The following PRAM1 variants were observed in gnomAD, a reference collection of about 807,000 sequenced individuals.
PRAM1 encodes PML-RARA-regulated adapter molecule 1.
A neutral mutation model predicts 55.3 loss-of-function variants in PRAM1; 41 were observed. The ratio of observed to expected loss-of-function variants is 0.74; its 90% confidence interval spans 0.58 to 0.96. The LOEUF (loss-of-function observed/expected upper bound fraction) is 0.96. PRAM1 is among the 40% of genes least tolerant of loss of function. The pLI is 0.00. For synonymous variants in PRAM1, 401 were observed against 387.1 expected (o/e 1.04, Z -0.42); for missense variants, 898 against 892.7 (o/e 1.01, Z -0.08).
At chr19:8,500,879 C>T (rs755323314) in intron 1 of PRAM1, among the ~76,000 whole-genome samples, 14 of 152,234 alleles carry the variant, frequency 9.2e-5, no homozygotes, top group Non-Finnish European at 1.6e-4. Flanking sequence ...GATTCTCGTG[C>T]CTCAGCCGCC....
At position 8,498,563 on chromosome 19, in the gene PRAM1, T is replaced by C. The variant is rs367671575; in HGVS notation, c.1245A>G (p.Thr415=). The C allele has an allele frequency of 1.1e-3, 1,716 of 1,611,720 alleles. 2 individuals carry two copies. The highest frequency in any genetic ancestry group is 1.2e-3 in the Non-Finnish European group (1,375 of 1,179,330). The change falls in exon 2 of 10, where the codon ACA becomes ACG. Residue 415 remains threonine (T), a synonymous_variant. Coordinates refer to ENST00000423345, the MANE Select transcript of PRAM1 (RefSeq NM_032152.5). ...CCAGGCCTCCTGACCTCCAGCGGGG[T>C]GTCCCAGCCGCTCCAAACCCAGGGC... ...PLSPGFGAAG[T]PRWRSGGLVH...
In PRAM1 at chr19:8,499,698, G is replaced by T; in HGVS notation, c.110C>A (p.Pro37Gln). 1 of 1,613,808 alleles carries T rather than the reference G, an allele frequency of 6.2e-7. No individual in the cohort carries two copies. Among genetic ancestry groups the T allele is most frequent in the Non-Finnish European group, 8.5e-7 (1 of 1,179,846 alleles). The change falls in exon 2 of 10, where the codon CCG (proline) becomes CAG (glutamine). Residue 37 changes from proline to glutamine, a missense_variant. Physicochemically the swap from Pro to Gln is moderately conservative, Grantham distance 76. Around this residue, in one of 4 missense-constraint regions of PRAM1, gnomAD observed 79 missense variants for 93.4 expected, o/e 0.85. Coordinates refer to ENST00000423345, the MANE Select transcript of PRAM1 (RefSeq NM_032152.5). The stretch of plus-strand genomic sequence containing the variant: ...CTTCAGTTTACCAAACTCAGGCTTC[G>T]GAGGTTTTTTGGGCAGGTCGCTGGG... ...PEPSDLPKKP[P>Q]KPEFGKLKKF...
chr19:8,490,066 TG>T lies in PRAM1; in HGVS notation c.*122del. The T allele has an allele frequency of 1.0e-6, 1 of 962,182 alleles. No individual in the cohort carries two copies. The highest frequency in any genetic ancestry group is 1.5e-6 in the Non-Finnish European group (1 of 658,526). The allele number at this position is 962,182 out of a possible 1,614,324, so 59.6% of individuals were successfully genotyped here. ...ACAAGAAGCAGGGACTGCTTTAAAC[TG>T]GGGCTTTATGTGGCCAGGTACAAGC... On this transcript the variant is annotated 3_prime_UTR_variant, in exon 10 of 10. Transcript: ENST00000423345. This position sits in a 1 kb window ranked among gnomAD's most constrained non-coding sequence, Gnocchi z 7.3.
At chr19:8,500,199 T>C (rs903700017) in intron 1 of PRAM1, among the ~76,000 whole-genome samples, 3 of 149,440 alleles carry the variant, frequency 2.0e-5, no homozygotes, top group Admixed American at 2.0e-4. Flanking sequence ...TTGCAACTCC[T>C]GGGCTCCAAT....
At chr19:8,501,507 A>ATT (rs773534887) in intron 1 of PRAM1, among the ~76,000 whole-genome samples, 5,293 of 102,806 alleles carry the variant, frequency 0.051, 705 homozygotes, top group African/African-American at 0.16. Context: ...ATGTGTCTTG[A>ATT]TTTTTTTTTT....
chr19:8,490,264 C>T lies in PRAM1; in HGVS notation c.1976-38G>A. 6.2e-7 allele frequency: 1 copy of T among 1,612,228 alleles called. No homozygotes were observed. Among genetic ancestry groups the T allele is most frequent in the Non-Finnish European group, 8.5e-7 (1 of 1,178,982 alleles). On this transcript the variant is annotated intron_variant, in intron 9 of 9. Coordinates refer to ENST00000423345, the MANE Select transcript of PRAM1 (RefSeq NM_032152.5). This position sits in a 1 kb window ranked among gnomAD's most constrained non-coding sequence, Gnocchi z 7.3. ...CGTGACTTCCATGGACCCCTCTCCC[C>T]AGAAGCCCAATAGTGAGCAGCGCCC...
intron 4 of PRAM1, 21 bp downstream of exon 4, chr19:8,497,743 T>C: frequency 6.3e-7 from 1 of 1,590,728 alleles, no homozygotes; most frequent in African/African-American, 1.4e-5. Context: ...TTGCAGGGAC[T>C]CGGGCAGGCC....
intron 4 of PRAM1, among the ~76,000 whole-genome samples, chr19:8,496,649 C>T (rs140622689): frequency 1.3e-5 from 2 of 152,064 alleles, no homozygotes; most frequent in Admixed American, 6.6e-5. Flanking sequence ...CGCTTGAACA[C>T]GGAAGGCAGA....
rs1241341425 is a variant in PRAM1, at chr19:8,499,702, G to A, written c.106C>T (p.Pro36Ser). The A allele has an allele frequency of 6.2e-7, 1 of 1,613,818 alleles. No individual in the cohort carries two copies. The highest frequency in any genetic ancestry group is 1.7e-5 in the Admixed American group (1 of 59,992). Residue 36 changes from proline (P) to serine (S), a missense_variant, in exon 2 of 10, where the codon CCT becomes TCT. Pro to Ser is a moderately conservative substitution (Grantham distance 74). Transcript: ENST00000423345. Reference sequence around the variant, plus strand: ...AGTTTACCAAACTCAGGCTTCGGAGGTTTTTTGGGCAGGTCGCTGGGCTCC... The same window carrying A: ...AGTTTACCAAACTCAGGCTTCGGAGATTTTTTGGGCAGGTCGCTGGGCTCC... ...QPEPSDLPKKPPKPEFGKLKK... is the reference protein window; with the variant it reads ...QPEPSDLPKKSPKPEFGKLKK...
rs1443827815 is a variant in PRAM1, at chr19:8,493,697, C to T, written c.1577-2540G>A. Among the ~76,000 whole-genome samples the T allele has an allele frequency of 1.3e-5, 2 of 152,354 alleles. No homozygotes were observed. The highest frequency in any genetic ancestry group is 4.8e-5 in the African/African-American group (2 of 41,588). On this transcript the variant is annotated intron_variant, in intron 4 of 9. Transcript: ENST00000423345. The surrounding 1 kb of genome is among the most constrained non-coding windows in gnomAD (Gnocchi z 4.1). ...CAGTGGGAAAGGGGAGTCCAGAGTC[C>T]TGGCCCCAAGAGACCTAAGCTGCCT...
At position 8,491,120 on chromosome 19, in the gene PRAM1, T is replaced by C; in HGVS notation, c.1614A>G (p.Pro538=). 1 of 1,612,106 alleles carries C rather than the reference T, an allele frequency of 6.2e-7. No individual in the cohort carries two copies. Among genetic ancestry groups the C allele is most frequent in the Non-Finnish European group, 8.5e-7 (1 of 1,179,836 alleles). Residue 538 remains proline (P), a synonymous_variant, in exon 5 of 10, where the codon CCA becomes CCG. Transcript: ENST00000423345. ...APSVQQAARR[P]PQDPALRKEK... ...GGCACCTGAGCGCTGGGTCTTGTGG[T>C]GGCCTCCTGGCGGCTTGCTGAACTG... is the stretch of plus-strand genomic sequence containing the variant.
In PRAM1 at chr19:8,490,864, C is replaced by G. The variant is rs967911962; in HGVS notation, c.1743+23G>C. On this transcript the variant is annotated intron_variant, in intron 6 of 9. Transcript: ENST00000423345. The surrounding 1 kb of genome is among the most constrained non-coding windows in gnomAD (Gnocchi z 7.3). ...CCCTGGTCTCCGCCCTGCCAGGACTCCTGCTTAGCTCAGAGGCCTCACCTT... is the reference window on the plus strand; with the variant it reads ...CCCTGGTCTCCGCCCTGCCAGGACTGCTGCTTAGCTCAGAGGCCTCACCTT... The G allele has an allele frequency of 3.1e-6, 5 of 1,611,890 alleles. No homozygotes were observed. In the East Asian group the frequency reaches 6.7e-5, roughly 22 times the overall value.
rs770419761 is a variant in PRAM1 at position 8,499,438 on chromosome 19, A to C, written c.370T>G (p.Leu124Val). 6 of 1,592,606 alleles carry C rather than the reference A, an allele frequency of 3.8e-6. No homozygotes were observed. The highest frequency in any genetic ancestry group is 1.5e-5 in the African/African-American group (1 of 68,900). The change falls in exon 2 of 10, where the codon TTG becomes GTG. Residue 124 changes from leucine (L) to valine (V), a missense_variant. By Grantham distance (32) the Leu-to-Val change is conservative. Transcript: ENST00000423345. ...GGGAACTTCTTGGAGAGGTCACTCA[A>C]CTCCAGTTTGGACGGCTTCTTGGGG... ...DLPKKPSKLE[L>V]SDLSKKFPQL...
At chr19:8,497,472 C>T (rs556694461) in intron 4 of PRAM1, among the ~76,000 whole-genome samples, 20 of 152,246 alleles carry the variant, frequency 1.3e-4, no homozygotes, top group Non-Finnish European at 2.5e-4. Flanking sequence ...CCTCCTGCCT[C>T]GGGCTCCCAA....
chr19:8,491,229 G>T, intron 4 of PRAM1, 72 bp from the exon 5 acceptor site: 2 of 1,466,326 alleles, frequency 1.4e-6, no homozygotes, highest in Non-Finnish European at 1.9e-6. Context: ...GCTGTTTTTT[G>T]TTTGTTTTTG....
Position 8,499,626 on chromosome 19 carries a change from A to T in PRAM1, c.182T>A (p.Leu61Gln), listed in dbSNP as rs55895504. The T allele has an allele frequency of 6.2e-6, 10 of 1,611,490 alleles. No individual in the cohort carries two copies. Among genetic ancestry groups the T allele is most frequent in the Non-Finnish European group, 8.5e-6 (10 of 1,179,030 alleles). Residue 61 changes from leucine (L) to glutamine (Q), a missense_variant, in exon 2 of 10, where the codon CTG (leucine) becomes CAG (glutamine). Transcript: ENST00000423345. The part of the protein sequence containing the change: ...ELSEHPKKAP[L>Q]PEFGAVSLKP... ...CAAGGACACTGCACCAAACTCAGGC[A>T]GCGGGGCCTTCTTGGGGTGCTCGCT...
In PRAM1 at chr19:8,499,452, G is replaced by A. The variant is rs199515679; in HGVS notation, c.356C>T (p.Pro119Leu). ...GAGGTCACTCAACTCCAGTTTGGAC[G>A]GCTTCTTGGGGAGGTCAGTGACCTC... ...PPEVTDLPKK[P>L]SKLELSDLSK... Residue 119 changes from proline to leucine, a missense_variant, in exon 2 of 10, where the codon CCG becomes CTG. Around this residue, in one of 4 missense-constraint regions of PRAM1, gnomAD observed 30 missense variants for 44.6 expected, o/e 0.67. Transcript: ENST00000423345. 137 of 1,611,298 alleles carry A rather than the reference G, an allele frequency of 8.5e-5. No individual in the cohort carries two copies. Among genetic ancestry groups the A allele is most frequent in the African/African-American group, 8.4e-4 (63 of 74,804 alleles).
rs1971751352 is a variant in PRAM1, at chr19:8,498,930, A to T, written c.878T>A (p.Leu293His). Residue 293 changes from leucine to histidine, a missense_variant, in exon 2 of 10, where the codon CTC (leucine) becomes CAC (histidine). Physicochemically the swap from Leu to His is moderately conservative, Grantham distance 99 (BLOSUM62 -3). This residue lies in a region of PRAM1 where 787 missense variants were observed against 735.4 expected (regional missense o/e 1.07). Transcript: ENST00000423345. ...KKPPQPELGD[L>H]TRTSSEPEVS... ...TTCGGGCTCTGAGGAGGTCCTGGTGAGGTCCCCAAGCTCAGGCTGCGGAGG... is the reference window on the plus strand; with the variant it reads ...TTCGGGCTCTGAGGAGGTCCTGGTGTGGTCCCCAAGCTCAGGCTGCGGAGG... The T allele has an allele frequency of 1.2e-6, 2 of 1,613,426 alleles. No homozygotes were observed. Among genetic ancestry groups the T allele is most frequent in the South Asian group, 2.2e-5 (2 of 91,078 alleles).
chr19:8,491,046 C>T, intron 5 of PRAM1, 51 bp from the exon 6 acceptor site: 2 of 1,611,986 alleles, frequency 1.2e-6, no homozygotes, highest in Non-Finnish European at 1.7e-6. Flanking sequence ...TTGTGCTCCT[C>T]TGGGGGTTCC....
Sources: gnomAD v4.1 joint callset for allele counts (sites outside exome capture counted in the v4.1 genomes callset) on GRCh38, gnomAD v4.1.1 for gene constraint, gnomAD v4.1.1 regional missense constraint, Gnocchi (gnomAD v3.1) non-coding constraint, MANE v1.5 for transcripts, NCBI Gene and HGNC (gene_info 2026-07-23, HGNC 2026-07-21) for gene names.